LIPA: variants seen among roughly 807,000 people sequenced by gnomAD.
The protein encoded by LIPA is lysosomal acid lipase/cholesteryl ester hydrolase.
Under a neutral mutation model 40.6 loss-of-function variants are expected in LIPA, and 26 were observed. The observed-to-expected ratio is 0.64, with a 90% CI of 0.47 to 0.89. The LOEUF (loss-of-function observed/expected upper bound fraction) is 0.89. LIPA is among the 40% of genes least tolerant of loss of function. The pLI, the probability that LIPA is intolerant of heterozygous loss-of-function variation, is 0.00. For synonymous variants in LIPA, 188 were observed against 168.4 expected, an observed-to-expected ratio of 1.12 and a Z score of -0.90; for missense variants, 455 against 479.6, an observed-to-expected ratio of 0.95 and a Z score of 0.48.
chr10:89,240,706 A>G (rs554397085), intron 3 of LIPA, among the ~76,000 whole-genome samples: 2 of 152,364 alleles, frequency 1.3e-5, no homozygotes, highest in East Asian at 1.9e-4. Context: ...TCACATGCTC[A>G]GCTTAATCAT....
chr10:89,245,586 A>G, intron 3 of LIPA, 90 bp downstream of exon 3: 2 of 781,746 alleles, frequency 2.6e-6, no homozygotes, highest in South Asian at 2.7e-5. Context: ...AAATAATCCC[A>G]TTTCAATGTT....
At chr10:89,399,744 C>A (rs1347374374) in intron 2 of LIPA, among the ~76,000 whole-genome samples, 2 of 140,416 alleles carry the variant, frequency 1.4e-5, no homozygotes, top group African/African-American at 2.6e-5. Context: ...GAAGCCTTAA[C>A]CCTCTTATGT....
chr10:89,344,486 A>G (rs1843899812), upstream of LIPA, among the ~76,000 whole-genome samples: 1 of 152,352 alleles, frequency 6.6e-6, no homozygotes, highest in South Asian at 2.1e-4. Context: ...TGATGGGGCT[A>G]CACATGCCTG....
intron 2 of LIPA, among the ~76,000 whole-genome samples, chr10:89,359,003 G>A (rs1399978742): frequency 6.6e-6 from 1 of 152,220 alleles, no homozygotes; most frequent in African/African-American, 2.4e-5. Flanking sequence ...CTGTATAAAT[G>A]TATCAAAATA....
At chr10:89,403,315 C>T in intron 2 of LIPA, 1 of 1,613,778 alleles carries the variant, frequency 6.2e-7, no homozygotes. Flanking sequence ...CTAGACCTGG[C>T]AAGAATGTAT....
At chr10:89,240,265 T>A (rs930053742) in intron 3 of LIPA, among the ~76,000 whole-genome samples, 2 of 152,092 alleles carry the variant, frequency 1.3e-5, no homozygotes, top group Non-Finnish European at 2.9e-5. Flanking sequence ...GAAGTCAATA[T>A]CAGAGACCAC....
At chr10:89,311,154 A>G (rs2133526341) in intron 1 of LIPA, among the ~76,000 whole-genome samples, 1 of 152,304 alleles carries the variant, frequency 6.6e-6, no homozygotes, top group African/African-American at 2.4e-5. Context: ...CTGTGATATA[A>G]AACCACTGAG....
chr10:89,305,941 T>C (rs1292345590), intron 1 of LIPA: 1 of 1,549,550 alleles, frequency 6.5e-7, no homozygotes, highest in East Asian at 2.3e-5. Context: ...TCAAAGTCCA[T>C]CTTTGTGTTT....
At chr10:89,383,715 T>C in intron 2 of LIPA, 1 of 1,614,182 alleles carries the variant, frequency 6.2e-7, no homozygotes, top group African/African-American at 1.3e-5. Context: ...CTTCCCGCTA[T>C]AGAATGGAGT....
chr10:89,307,579 G>C (rs1017064057), intron 1 of LIPA: 3 of 499,032 alleles, frequency 6.0e-6, no homozygotes, highest in East Asian at 3.1e-5. Flanking sequence ...GACCAGATTG[G>C]GGGGTAGGTC....
intron 2 of LIPA, among the ~76,000 whole-genome samples, chr10:89,350,371 TCTCGGCTCACTGCAAG>T (rs998364007): frequency 7.0e-6 from 1 of 142,654 alleles, no homozygotes; most frequent in African/African-American, 2.5e-5. Context: ...AATGGCGCAA[TCTCGGCTCACTGCAAG>T]CTCCGCCTCC....
chr10:89,340,578 AAAAG>A (rs1378263801), intron 1 of LIPA: 94 of 153,730 alleles, frequency 6.1e-4, no homozygotes, highest in African/African-American at 2.2e-3. Flanking sequence ...AAAAAAAAAA[AAAAG>A]AGTTGTTTTC....
intron 1 of LIPA, chr10:89,339,574 A>G (rs1466299562): frequency 1.2e-6 from 2 of 1,614,204 alleles, no homozygotes; most frequent in Admixed American, 1.7e-5. Flanking sequence ...TAAAGAGATG[A>G]TTGAAGCACT....
chr10:89,351,152 T>TA (rs908239100), intron 2 of LIPA, among the ~76,000 whole-genome samples: 2 of 151,876 alleles, frequency 1.3e-5, no homozygotes, highest in African/African-American at 4.8e-5. Context: ...CATGTCTCTA[T>TA]AAAAAATACA....
chr10:89,276,011 C>A (rs976175932), intron 1 of LIPA, among the ~76,000 whole-genome samples: 1 of 152,202 alleles, frequency 6.6e-6, no homozygotes, highest in African/African-American at 2.4e-5. Context: ...ACAGTACAAC[C>A]TTTCTACTCC....
At chr10:89,222,266 G>C (rs1383892226) in intron 8 of LIPA, among the ~76,000 whole-genome samples, 1 of 152,196 alleles carries the variant, frequency 6.6e-6, no homozygotes, top group African/African-American at 2.4e-5. Context: ...ACTTGAGGAA[G>C]GGAGAGGAGG....
At chr10:89,394,611 TATATATATATATATATAA>T (rs1369738912) in intron 2 of LIPA, among the ~76,000 whole-genome samples, 345 of 16,550 alleles carry the variant, frequency 0.021, 19 homozygotes, top group African/African-American at 0.074. Context: ...TATATATATA[TATATATATATATATATAA>T]AACTTGAATT....
In LIPA at chr10:89,384,745, G is replaced by C. The variant is rs761674259; in HGVS notation, c.61+28046C>G. 33 of 1,582,962 alleles carry C rather than the reference G, an allele frequency of 2.1e-5. No individual in the cohort carries two copies. The South Asian group carries it at 3.6e-4, about 17-fold the overall frequency. ...CCTGAACCCTATATTTTAACATAGA[G>C]GTCACCATTATCCATTTAATGGTCT... On this transcript the variant is annotated intron_variant, in intron 2 of 8. Coordinates refer to the LIPA transcript ENST00000371837.
intron 1 of LIPA, among the ~76,000 whole-genome samples, chr10:89,329,686 A>G (rs1843631302): frequency 1.3e-5 from 2 of 152,242 alleles, no homozygotes; most frequent in South Asian, 4.1e-4. Context: ...CACACTCACA[A>G]ATTCACTTAA....
Sources: allele counts gnomAD v4.1 joint callset (sites outside exome capture counted in the v4.1 genomes callset), GRCh38; gene constraint gnomAD v4.1.1; transcripts MANE v1.5; gene names NCBI Gene and HGNC (gene_info 2026-07-23, HGNC 2026-07-21).